KBTBD12: variants seen among roughly 807,000 people sequenced by gnomAD.
KBTBD12 encodes the protein kelch repeat and BTB domain containing 12.
A neutral mutation model predicts 58.7 loss-of-function variants in KBTBD12; 53 were observed. That is an observed-to-expected ratio of 0.90 (90% CI 0.72 to 1.14). The LOEUF is 1.14. Ranked by LOEUF, KBTBD12 falls within the 50% of genes most tolerant of loss-of-function variation. KBTBD12 has a pLI of 0.00. For synonymous variants in KBTBD12, 236 were observed against 259.8 expected, an observed-to-expected ratio of 0.91 and a Z score of 0.88; for missense variants, 704 against 751.3, an observed-to-expected ratio of 0.94 and a Z score of 0.74.
At position 127,986,551 on chromosome 3, in the gene KBTBD12, C is replaced by T. The variant is rs1438953097; in HGVS notation, c.*2273C>T. On this transcript the variant is annotated 3_prime_UTR_variant, in exon 6 of 6. Coordinates refer to ENST00000405109, the MANE Select transcript of KBTBD12 (RefSeq NM_207335.4). ...CAGGCTGGAGTGCAGTGCAGTGGCACGATCTCAGCCCACTGCAACCTCCGC... is the reference window on the plus strand; with the variant it reads ...CAGGCTGGAGTGCAGTGCAGTGGCATGATCTCAGCCCACTGCAACCTCCGC... 6.6e-5 allele frequency: 10 copies of T among 150,814 alleles called. No homozygotes were observed. The highest frequency in any genetic ancestry group is 2.6e-4 in the Admixed American group (4 of 15,132). The allele number at this position is 150,814 out of a possible 1,614,324, so 9.3% of individuals were successfully genotyped here. A position where few individuals can be genotyped will look rare whatever the true frequency, so the allele number is the denominator to read the frequency against.
In KBTBD12 at chr3:127,927,753, C is replaced by G. The variant is rs898230042; in HGVS notation, c.1071-11C>G. 1 of 1,472,608 alleles carries G rather than the reference C, an allele frequency of 6.8e-7. No homozygotes were observed. Among genetic ancestry groups the G allele is most frequent in the Non-Finnish European group, 9.0e-7 (1 of 1,107,368 alleles). The allele number at this position is 1,472,608 out of a possible 1,614,324, so 91.2% of individuals were successfully genotyped here. ...ACCTCTAATCCTGGATACTCTCTCT[C>G]TCTTTTGCAGGTATCATGATAGAGG... On this transcript the variant is annotated splice_polypyrimidine_tract_variant and intron_variant, in intron 2 of 5. Transcript: ENST00000405109.
At chr3:127,982,691 G>A (rs2107618885) in intron 5 of KBTBD12, among the ~76,000 whole-genome samples, 1 of 152,318 alleles carries the variant, frequency 6.6e-6, no homozygotes, top group Non-Finnish European at 1.5e-5. Flanking sequence ...CTGCCTCCCT[G>A]CTAAGGATGG....
At chr3:127,925,187 A>C (rs1201293685) in intron 2 of KBTBD12, among the ~76,000 whole-genome samples, 7 of 152,134 alleles carry the variant, frequency 4.6e-5, no homozygotes, top group Admixed American at 3.9e-4. Flanking sequence ...CTAGTAGGAG[A>C]AAGAATGCAG....
rs181899300 is a variant in KBTBD12 at position 127,973,277 on chromosome 3, G to T, written c.1690+9891G>T. 2.0e-5 allele frequency among the ~76,000 whole-genome samples: 3 copies of T among 152,238 alleles called. No homozygotes were observed. In the East Asian group the frequency reaches 5.8e-4, roughly 29 times the overall value. On this transcript the variant is annotated intron_variant, in intron 5 of 5. Coordinates refer to ENST00000405109, the MANE Select transcript of KBTBD12 (RefSeq NM_207335.4). ...ATGAGGAGATAGGTGAATTCAGCTT[G>T]TGGGACATTCTACAAGAAAACTGAC...
intron 5 of KBTBD12, among the ~76,000 whole-genome samples, chr3:127,965,743 C>G (rs1940550341): frequency 6.6e-6 from 1 of 152,162 alleles, no homozygotes; most frequent in African/African-American, 2.4e-5. Flanking sequence ...TTGAACACCT[C>G]TATTTTATCT....
chr3:127,933,116 G>C (rs1243293054), intron 4 of KBTBD12, among the ~76,000 whole-genome samples: 3 of 151,976 alleles, frequency 2.0e-5, no homozygotes, highest in Non-Finnish European at 4.4e-5. Context: ...ACAAAACCAG[G>C]CAAATTTGTC....
chr3:127,974,695 A>C (rs781360033), intron 5 of KBTBD12, among the ~76,000 whole-genome samples: 11 of 152,230 alleles, frequency 7.2e-5, no homozygotes, highest in Non-Finnish European at 1.2e-4. Flanking sequence ...CAAGTATAAA[A>C]ATAATCATCT....
intron 4 of KBTBD12, among the ~76,000 whole-genome samples, chr3:127,954,256 A>C (rs921803502): frequency 6.6e-5 from 10 of 152,234 alleles, no homozygotes; most frequent in Non-Finnish European, 1.3e-4. Context: ...TGCTGTAGAA[A>C]ATATTAATGC....
chr3:127,917,577 C>T (rs570768253), intron 1 of KBTBD12, among the ~76,000 whole-genome samples: 8 of 152,298 alleles, frequency 5.3e-5, no homozygotes, highest in Admixed American at 5.2e-4. Flanking sequence ...TGCTCTAATC[C>T]TGCCTTATTC....
chr3:127,952,103 A>G (rs112592886), intron 4 of KBTBD12, among the ~76,000 whole-genome samples: 74 of 152,336 alleles, frequency 4.9e-4, no homozygotes, highest in Non-Finnish European at 5.0e-4. Context: ...CTTGTGAAAG[A>G]GTTCTTTGAA....
Position 127,923,126 on chromosome 3 carries a change from A to G in KBTBD12, c.65A>G (p.Gln22Arg). The G allele has an allele frequency of 6.2e-7, 1 of 1,612,540 alleles. No individual in the cohort carries two copies. The highest frequency in any genetic ancestry group is 8.5e-7 in the Non-Finnish European group (1 of 1,178,656). ...AGCTTGAATTTACTGAATAAAATTC[A>G]GAACATGAAAGAATTAGCAGAAATG... is the stretch of plus-strand genomic sequence containing the variant. ...QHSLNLLNKI[Q>R]NMKELAEMID... The change falls in exon 2 of 6, where the codon CAG becomes CGG. Residue 22 changes from glutamine to arginine, a missense_variant. Physicochemically the swap from Gln to Arg is conservative, Grantham distance 43. Transcript: ENST00000405109.
intron 5 of KBTBD12, among the ~76,000 whole-genome samples, chr3:127,976,736 T>C (rs1940790170): frequency 1.3e-5 from 2 of 152,244 alleles, no homozygotes; most frequent in South Asian, 2.1e-4. Context: ...CAGAAATCTT[T>C]TCCATGTTAG....
chr3:127,921,969 G>T (rs1939421527), intron 1 of KBTBD12, among the ~76,000 whole-genome samples: 1 of 152,096 alleles, frequency 6.6e-6, no homozygotes, highest in Admixed American at 6.5e-5. Flanking sequence ...TCCCATCAAT[G>T]TTATTCTCAC....
intron 1 of KBTBD12, among the ~76,000 whole-genome samples, chr3:127,916,767 A>C (rs765260680): frequency 6.6e-6 from 1 of 151,980 alleles, no homozygotes; most frequent in African/African-American, 2.4e-5. Context: ...AAGCCAATAC[A>C]TGGCTTCAGT....
rs900180385 is a variant in KBTBD12 at position 127,986,361 on chromosome 3, C to T, written c.*2083C>T. ...TCCTGAAATAATAAGCATGTTTTAGCTGCCATTATTATCATCACTGTCATT... is the reference window on the plus strand; with the variant it reads ...TCCTGAAATAATAAGCATGTTTTAGTTGCCATTATTATCATCACTGTCATT... On this transcript the variant is annotated 3_prime_UTR_variant, in exon 6 of 6. Coordinates refer to ENST00000405109, the MANE Select transcript of KBTBD12 (RefSeq NM_207335.4). 3 of 152,630 alleles carry T rather than the reference C, an allele frequency of 2.0e-5. No individual in the cohort carries two copies. The highest frequency in any genetic ancestry group is 2.9e-5 in the Non-Finnish European group (2 of 68,058). 9.5% of individuals were successfully genotyped at this position (152,630 alleles called of 1,614,324 possible).
At chr3:127,938,053 A>T (rs1395883989) in intron 4 of KBTBD12, among the ~76,000 whole-genome samples, 1 of 152,192 alleles carries the variant, frequency 6.6e-6, no homozygotes, top group South Asian at 2.1e-4. Context: ...ATTTTAAAGT[A>T]TGTCTTTAAG....
intron 4 of KBTBD12, among the ~76,000 whole-genome samples, chr3:127,946,247 G>C (rs951312711): frequency 6.6e-6 from 1 of 152,016 alleles, no homozygotes; most frequent in Admixed American, 6.5e-5. Flanking sequence ...AAAGTTACAG[G>C]CTTCCAACCT....
chr3:127,943,897 C>A (rs1466215858), intron 4 of KBTBD12, among the ~76,000 whole-genome samples: 1 of 152,076 alleles, frequency 6.6e-6, no homozygotes, highest in African/African-American at 2.4e-5. Context: ...TCATTTTTTG[C>A]ATGTGGATAT....
intron 4 of KBTBD12, among the ~76,000 whole-genome samples, chr3:127,933,011 G>A (rs4141500): frequency 0.056 from 8,571 of 152,126 alleles, 279 homozygotes; most frequent in East Asian, 0.098. Flanking sequence ...CTGACATGCC[G>A]GTAAGAATTT....
Sources: gnomAD v4.1 joint callset for allele counts (sites outside exome capture counted in the v4.1 genomes callset) on GRCh38, gnomAD v4.1.1 for gene constraint, MANE v1.5 for transcripts, NCBI Gene and HGNC (gene_info 2026-07-23, HGNC 2026-07-21) for gene names.